Variants in DNAH7 observed in about 807,000 individuals in gnomAD.
The protein encoded by DNAH7 is dynein axonemal heavy chain 7.
A neutral mutation model predicts 444.6 loss-of-function variants in DNAH7; 397 were observed. That is an observed-to-expected ratio of 0.89 (90% CI 0.82 to 0.97). The LOEUF is 0.97. Ranked by LOEUF, DNAH7 falls within the 50% of genes least tolerant of loss-of-function variation. DNAH7 has a pLI of 0.00. For synonymous variants in DNAH7, 1,636 were observed against 1,624.4 expected, an observed-to-expected ratio of 1.01 and a Z score of -0.17; for missense variants, 4,902 against 4,800.8, an observed-to-expected ratio of 1.02 and a Z score of -0.62.
chr2:195,811,607 T>C (rs555846899), intron 51 of DNAH7, among the ~76,000 whole-genome samples: 1 of 152,178 alleles, frequency 6.6e-6, no homozygotes, highest in Non-Finnish European at 1.5e-5. Flanking sequence ...CGCCTCAGCC[T>C]CCCCGAGTGC....
At chr2:195,745,126 G>A (rs1693313753) in intron 63 of DNAH7, among the ~76,000 whole-genome samples, 1 of 152,164 alleles carries the variant, frequency 6.6e-6, no homozygotes, top group East Asian at 1.9e-4. Flanking sequence ...AGACGAATGT[G>A]TAACTAGAAT....
At chr2:195,782,322 G>C (rs1695428123) in intron 58 of DNAH7, among the ~76,000 whole-genome samples, 1 of 152,104 alleles carries the variant, frequency 6.6e-6, no homozygotes, top group African/African-American at 2.4e-5. Context: ...TCATGATGAA[G>C]TATACATGAC....
chr2:195,858,279 C>T (rs551426887), intron 43 of DNAH7, among the ~76,000 whole-genome samples, 195 bp downstream of exon 43: 65 of 152,328 alleles, frequency 4.3e-4, no homozygotes, highest in African/African-American at 1.5e-3. Context: ...TCTTCCATTT[C>T]AAAGGTGTTT....
intron 18 of DNAH7, 55 bp from the exon 19 acceptor site, chr2:195,957,502 A>T: frequency 7.1e-7 from 1 of 1,404,236 alleles, no homozygotes; most frequent in Non-Finnish European, 9.4e-7. Context: ...AAATGTTTCA[A>T]ATGACAAAAT....
At chr2:195,956,778 TC>T in intron 19 of DNAH7, among the ~76,000 whole-genome samples, 1 of 152,350 alleles carries the variant, frequency 6.6e-6, no homozygotes, top group African/African-American at 2.4e-5. Context: ...TATTTTTCTT[TC>T]TTTATTGCAT....
intron 15 of DNAH7, among the ~76,000 whole-genome samples, chr2:195,983,808 T>C (rs956437527): frequency 6.6e-6 from 1 of 152,182 alleles, no homozygotes; most frequent in African/African-American, 2.4e-5. Context: ...AAAATACAGC[T>C]TTTATAAAAA....
chr2:195,987,862 G>T (rs1693027259), intron 13 of DNAH7, 95 bp downstream of exon 13: 1 of 1,194,646 alleles, frequency 8.4e-7, no homozygotes, highest in Non-Finnish European at 1.2e-6. Context: ...TGATGATAAT[G>T]TTCTAATTAT....
Position 195,907,086 on chromosome 2 carries a change from T to C in DNAH7, c.4105-77A>G, listed in dbSNP as rs969154164. On this transcript the variant is annotated intron_variant, in intron 25 of 64. Coordinates refer to ENST00000312428, the MANE Select transcript of DNAH7 (RefSeq NM_018897.3). ...AATGAAATGTTGTATTTTCACCTGA[T>C]CTTTTCAAGGATTTAATATCCTGTC... The C allele has an allele frequency of 4.4e-6, 5 of 1,133,842 alleles. No homozygotes were observed. The South Asian group carries it at 7.6e-5, about 17-fold the overall frequency. The allele number at this position is 1,133,842 out of a possible 1,614,324, so 70.2% of individuals were successfully genotyped here. A position where few individuals can be genotyped will look rare whatever the true frequency, so the allele number is the denominator to read the frequency against.
intron 53 of DNAH7, among the ~76,000 whole-genome samples, chr2:195,808,172 T>C (rs1696797169): frequency 6.6e-6 from 1 of 152,132 alleles, no homozygotes; most frequent in Admixed American, 6.5e-5. Flanking sequence ...AAGCAACAAT[T>C]GCTATATATC....
chr2:196,024,952 A>G (rs946099845), intron 7 of DNAH7, among the ~76,000 whole-genome samples: 1 of 152,172 alleles, frequency 6.6e-6, no homozygotes, highest in African/African-American at 2.4e-5. Flanking sequence ...TTCAGAAAAA[A>G]TAATAAAAAT....
At chr2:195,865,454 T>C (rs1343295586) in intron 40 of DNAH7, among the ~76,000 whole-genome samples, 3 of 152,182 alleles carry the variant, frequency 2.0e-5, no homozygotes, top group Non-Finnish European at 4.4e-5. Flanking sequence ...AAATCAATAG[T>C]TTTTGCTTTT....
chr2:196,024,507 A>G lies in DNAH7; in HGVS notation c.668-3T>C, dbSNP rs1695562978. Reference sequence around the variant, plus strand: ...AGGATCTTTTAAAACAAAATCAACTAAAAGAAAATTTTAAAATTCTGATAA... The same window carrying G: ...AGGATCTTTTAAAACAAAATCAACTGAAAGAAAATTTTAAAATTCTGATAA... On this transcript the variant is annotated splice_region_variant and splice_polypyrimidine_tract_variant and intron_variant, in intron 7 of 64. Coordinates refer to ENST00000312428, the MANE Select transcript of DNAH7 (RefSeq NM_018897.3). The G allele has an allele frequency of 2.6e-6, 4 of 1,548,670 alleles. No individual in the cohort carries two copies. The highest frequency in any genetic ancestry group is 2.5e-5 in the South Asian group (2 of 80,680).
intron 48 of DNAH7, among the ~76,000 whole-genome samples, chr2:195,828,046 A>T (rs993512053): frequency 6.6e-6 from 1 of 152,202 alleles, no homozygotes; most frequent in Non-Finnish European, 1.5e-5. Context: ...AGTTTCATCC[A>T]TTCCTTATCT....
At chr2:195,853,163 C>A (rs1699486926) in intron 46 of DNAH7, among the ~76,000 whole-genome samples, 180 bp downstream of exon 46, 1 of 152,058 alleles carries the variant, frequency 6.6e-6, no homozygotes, top group South Asian at 2.1e-4. Context: ...ATATTATATG[C>A]ATCTTTTGGC....
At chr2:195,987,912 G>C in intron 13 of DNAH7, 45 bp downstream of exon 13, 2 of 1,507,874 alleles carry the variant, frequency 1.3e-6, no homozygotes, top group Admixed American at 2.1e-5. Context: ...CTGGGGAAAA[G>C]ATACCAGATA....
At chr2:195,913,760 G>T in intron 24 of DNAH7, among the ~76,000 whole-genome samples, 1 of 152,166 alleles carries the variant, frequency 6.6e-6, no homozygotes, top group South Asian at 2.1e-4. Context: ...TGTCGTCCAG[G>T]CTGGAGTGCA....
intron 48 of DNAH7, among the ~76,000 whole-genome samples, chr2:195,828,783 A>C (rs1662508958): frequency 6.6e-6 from 1 of 151,844 alleles, no homozygotes; most frequent in African/African-American, 2.4e-5. Flanking sequence ...CCACAAAGCC[A>C]ATTTTCCTAA....
intron 19 of DNAH7, among the ~76,000 whole-genome samples, chr2:195,950,196 A>C (rs1292087848): frequency 6.6e-6 from 1 of 151,514 alleles, no homozygotes; most frequent in East Asian, 1.9e-4. Flanking sequence ...TCCTCTTTGC[A>C]CTCCTCTGGT....
Position 195,794,383 on chromosome 2 carries a change from C to A in DNAH7, c.10671G>T (p.Met3557Ile). 1 of 1,614,078 alleles carries A rather than the reference C, an allele frequency of 6.2e-7. No individual in the cohort carries two copies. The highest frequency in any genetic ancestry group is 8.5e-7 in the Non-Finnish European group (1 of 1,180,000). The change falls in exon 57 of 65, where the codon ATG becomes ATT. Residue 3557 changes from methionine (M) to isoleucine (I), a missense_variant. Physicochemically the swap from Met to Ile is conservative, Grantham distance 10. Coordinates refer to ENST00000312428, the MANE Select transcript of DNAH7 (RefSeq NM_018897.3). ...LRANIIRSYLMDPISDPEFFG... is the reference protein window; with the variant it reads ...LRANIIRSYLIDPISDPEFFG... ...AGAACTCCGGATCAGAGATCGGGTC[C>A]ATGAGGTATGATCGAATGATATTAG...
Sources: allele counts gnomAD v4.1 joint callset (sites outside exome capture counted in the v4.1 genomes callset), GRCh38; gene constraint gnomAD v4.1.1; transcripts MANE v1.5; gene names NCBI Gene and HGNC (gene_info 2026-07-23, HGNC 2026-07-21).